The following TOGARAM1 variants were observed in gnomAD, a reference collection of about 807,000 sequenced individuals.
TOGARAM1 encodes the protein TOG array regulator of axonemal microtubules protein 1.
Under a neutral mutation model 166.6 loss-of-function variants are expected in TOGARAM1, and 100 were observed. The observed-to-expected ratio is 0.60, with a 90% CI of 0.51 to 0.71. The LOEUF is 0.71. Ranked by LOEUF, TOGARAM1 falls within the 30% of genes least tolerant of loss-of-function variation. The pLI, the probability that TOGARAM1 is intolerant of heterozygous loss-of-function variation, is 0.00. For synonymous variants in TOGARAM1, 758 were observed against 763.8 expected (o/e 0.99, Z 0.13); for missense variants, 2,029 against 2,102.7 (o/e 0.96, Z 0.69).
chr14:45,047,333 A>C (rs1054000453), intron 14 of TOGARAM1, among the ~76,000 whole-genome samples: 15 of 151,364 alleles, frequency 9.9e-5, no homozygotes, highest in Non-Finnish European at 2.2e-4. Flanking sequence ...CGGAGGTTGC[A>C]GTGAGCCGAG....
chr14:45,053,843 T>C lies in TOGARAM1; in HGVS notation c.4441-588T>C, dbSNP rs528463977. On this transcript the variant is annotated intron_variant, in intron 15 of 19. Coordinates refer to ENST00000361462, the MANE Select transcript of TOGARAM1 (RefSeq NM_001308120.2). The stretch of plus-strand genomic sequence containing the variant: ...ATATATTCTACATAGATTTTAAGCT[T>C]TAAGAAGAGTAGTTACGAAATACAG... Among the ~76,000 whole-genome samples the C allele has an allele frequency of 8.7e-4, 132 of 152,170 alleles. 1 individual carries two copies. Among genetic ancestry groups the C allele is most frequent in the African/African-American group, 3.0e-3 (125 of 41,510 alleles).
chr14:45,006,298 A>T (rs778973842), intron 5 of TOGARAM1, 31 bp downstream of exon 5: 18 of 1,508,020 alleles, frequency 1.2e-5, no homozygotes, highest in Non-Finnish European at 1.8e-6. Context: ...ATGACTTAAA[A>T]ATATTTGCAA....
intron 1 of TOGARAM1, 52 bp downstream of exon 1, chr14:44,964,519 A>C (rs1885406087): frequency 6.6e-7 from 1 of 1,505,250 alleles, no homozygotes; most frequent in East Asian, 2.3e-5. Context: ...TTAAATGAAA[A>C]TATGCCCGTG....
rs570172840 is a variant in TOGARAM1, at chr14:45,063,916, C to T, written c.4560-2662C>T. 1.2e-4 allele frequency among the ~76,000 whole-genome samples: 19 copies of T among 152,296 alleles called. 3 individuals are homozygous for T. Among genetic ancestry groups the T allele is most frequent in the African/African-American group, 3.8e-4 (16 of 41,566 alleles). On this transcript the variant is annotated intron_variant, in intron 16 of 19. Transcript: ENST00000361462. ...TATCCTGCTAGCTCATCTCTCCTTC[C>T]TTTGATATGTTATCACCCTTGATAT...
chr14:44,999,335 A>G lies in TOGARAM1; in HGVS notation c.2204-28A>G, dbSNP rs138973100. 8.3e-4 allele frequency: 1,264 copies of G among 1,520,026 alleles called. 7 individuals are homozygous for G. The African/African-American group carries it at 0.014, about 17-fold the overall frequency. 94.2% of individuals were successfully genotyped at this position (1,520,026 alleles called of 1,614,324 possible). A position where few individuals can be genotyped will look rare whatever the true frequency, so the allele number is the denominator to read the frequency against. On this transcript the variant is annotated intron_variant, in intron 2 of 19. Transcript: ENST00000361462. ...TGAAATAAAGTTAACTTTTGCTTTT[A>G]TGTTTTCTCCCTTCCTTTCTTCAAA...
At chr14:45,043,235 T>A (rs1255256150) in intron 11 of TOGARAM1, among the ~76,000 whole-genome samples, 1 of 152,066 alleles carries the variant, frequency 6.6e-6, no homozygotes, top group Non-Finnish European at 1.5e-5. Flanking sequence ...TGGAGTGCAG[T>A]GGTGCGATCT....
chr14:45,021,888 C>T (rs573147865), intron 7 of TOGARAM1, among the ~76,000 whole-genome samples: 100 of 152,164 alleles, frequency 6.6e-4, no homozygotes, highest in African/African-American at 2.3e-3. Context: ...GGCCGTCTCT[C>T]GGTCAAGCAC....
At chr14:45,064,216 G>A (rs1883035978) in intron 16 of TOGARAM1, among the ~76,000 whole-genome samples, 1 of 152,046 alleles carries the variant, frequency 6.6e-6, no homozygotes, top group Admixed American at 6.6e-5. Context: ...TTTAACAAGT[G>A]TGAAAATAAT....
In TOGARAM1 at chr14:45,073,318, A is replaced by G. The variant is rs1274589723; in HGVS notation, c.5079A>G (p.Gln1693=). The G allele has an allele frequency of 3.7e-6, 6 of 1,612,922 alleles. No homozygotes were observed. Among genetic ancestry groups the G allele is most frequent in the Non-Finnish European group, 5.1e-6 (6 of 1,179,512 alleles). Residue 1693 remains glutamine (Q), a synonymous_variant, in exon 20 of 20, where the codon CAA becomes CAG. Coordinates refer to ENST00000361462, the MANE Select transcript of TOGARAM1 (RefSeq NM_001308120.2). ...KLADIVTELY[Q]RKPHATEQKV... is the part of the protein sequence containing the mutation. ...CAGATATTGTTACGGAACTTTATCA[A>G]AGGAAGCCGCATGCCACAGAGCAGA...
chr14:45,047,415 A>G (rs1157942462), intron 14 of TOGARAM1, among the ~76,000 whole-genome samples: 1 of 151,960 alleles, frequency 6.6e-6, no homozygotes, highest in African/African-American at 2.4e-5. Context: ...AGAAAGAAAA[A>G]TACAGGAATA....
At chr14:45,029,144 G>T (rs949678969) in intron 10 of TOGARAM1, among the ~76,000 whole-genome samples, 2 of 152,120 alleles carry the variant, frequency 1.3e-5, no homozygotes, top group African/African-American at 4.8e-5. Context: ...CTGATGAGAG[G>T]TGTTAGCCTG....
intron 7 of TOGARAM1, among the ~76,000 whole-genome samples, chr14:45,022,399 C>A (rs1255237745): frequency 6.7e-6 from 1 of 149,598 alleles, no homozygotes. Context: ...CTTTGTTCTC[C>A]TGAAGGAGCT....
Position 45,006,051 on chromosome 14 carries a change from C to T in TOGARAM1, c.2688C>T (p.Ala896=). The T allele has an allele frequency of 6.2e-7, 1 of 1,612,670 alleles. No individual in the cohort carries two copies. The highest frequency in any genetic ancestry group is 8.5e-7 in the Non-Finnish European group (1 of 1,179,168). The change falls in exon 5 of 20, where the codon GCC becomes GCT. Residue 896 remains alanine (A), a synonymous_variant. Transcript: ENST00000361462. ...AACCTCCAGTTCAGCTTACACCTGC[C>T]TTGGTGAGATCGCCATCTTCCCGAC... The part of the protein sequence containing the change: ...QEKPPVQLTP[A]LVRSPSSRRG...
At chr14:44,996,426 G>A (rs888574764) in intron 2 of TOGARAM1, 1 of 152,218 alleles carries the variant, frequency 6.6e-6, no homozygotes, top group African/African-American at 2.4e-5. Context: ...AAATACCAAA[G>A]AGACCAGTAT....
At chr14:44,977,580 G>C (rs1427765285) in intron 1 of TOGARAM1, among the ~76,000 whole-genome samples, 1 of 152,036 alleles carries the variant, frequency 6.6e-6, no homozygotes, top group East Asian at 1.9e-4. Flanking sequence ...CTTCCTATGA[G>C]ACCCCACACA....
intron 1 of TOGARAM1, among the ~76,000 whole-genome samples, chr14:44,974,063 T>A (rs1412538085): frequency 1.3e-5 from 2 of 152,018 alleles, no homozygotes; most frequent in African/African-American, 4.8e-5. Flanking sequence ...CTGACATTAA[T>A]TGGGGGAAAT....
At chr14:45,031,049 T>G (rs561307141) in intron 10 of TOGARAM1, among the ~76,000 whole-genome samples, 1 of 152,184 alleles carries the variant, frequency 6.6e-6, no homozygotes, top group African/African-American at 2.4e-5. Flanking sequence ...GCCTTTGGAT[T>G]TTAAATGACC....
At chr14:45,025,396 T>G (rs73348069) in intron 7 of TOGARAM1, 17,101 of 154,410 alleles carry the variant, frequency 0.11, 1,371 homozygotes, top group African/African-American at 0.23. Flanking sequence ...AAACCCCATC[T>G]CTACTAAAAA....
chr14:44,965,068 A>T (rs1030412931), intron 1 of TOGARAM1, among the ~76,000 whole-genome samples: 3 of 152,072 alleles, frequency 2.0e-5, no homozygotes, highest in Non-Finnish European at 4.4e-5. Context: ...TATAGGTAAG[A>T]GTACAATGAA....
Sources: gnomAD v4.1 joint callset for allele counts (sites outside exome capture counted in the v4.1 genomes callset) on GRCh38, gnomAD v4.1.1 for gene constraint, MANE v1.5 for transcripts, NCBI Gene and HGNC (gene_info 2026-07-23, HGNC 2026-07-21) for gene names.